FGGY: variants seen among roughly 807,000 people sequenced by gnomAD.
FGGY encodes FGGY carbohydrate kinase domain containing.
A neutral mutation model predicts 71.3 loss-of-function variants in FGGY; 72 were observed. The ratio of observed to expected loss-of-function variants is 1.01; its 90% CI spans 0.84 to 1.23. The LOEUF (loss-of-function observed/expected upper bound fraction) is 1.23. FGGY is among the 50% of genes most tolerant of loss of function. The pLI is 0.00. For missense variants in FGGY, 668 were observed against 682.3 expected (o/e 0.98, Z 0.23); for synonymous variants, 251 against 250.3 (o/e 1.00, Z -0.02).
intron 9 of FGGY, among the ~76,000 whole-genome samples, chr1:59,611,700 C>T (rs192903071): frequency 3.9e-5 from 6 of 152,182 alleles, no homozygotes; most frequent in East Asian, 1.9e-4. Flanking sequence ...CAAACTGCTC[C>T]GAGCTAAAGG....
chr1:59,342,480 T>C (rs541928209), intron 3 of FGGY, among the ~76,000 whole-genome samples: 9 of 152,318 alleles, frequency 5.9e-5, no homozygotes, highest in African/African-American at 2.2e-4. Flanking sequence ...ATTATAAGTG[T>C]TGAAATAACT....
intron 11 of FGGY, among the ~76,000 whole-genome samples, chr1:59,651,380 G>T (rs1213637730): frequency 5.0e-4 from 74 of 148,956 alleles, no homozygotes; most frequent in South Asian, 2.2e-3. Context: ...TTAATGCGTG[G>T]GAGTCTAAGT....
At chr1:59,686,389 A>G (rs2097544473) in intron 14 of FGGY, among the ~76,000 whole-genome samples, 1 of 152,214 alleles carries the variant, frequency 6.6e-6, no homozygotes, top group Admixed American at 6.5e-5. Flanking sequence ...AAGCATATCA[A>G]ATATCAGTAA....
chr1:59,590,322 G>A (rs2096405084), intron 8 of FGGY, among the ~76,000 whole-genome samples: 1 of 152,168 alleles, frequency 6.6e-6, no homozygotes. Context: ...AAAGAGTCCA[G>A]GACCAGATGG....
intron 8 of FGGY, among the ~76,000 whole-genome samples, chr1:59,593,079 A>C (rs539684910): frequency 6.6e-6 from 1 of 152,378 alleles, no homozygotes; most frequent in Non-Finnish European, 1.5e-5. Flanking sequence ...TCTAGAGCCC[A>C]GTAGCTCCAG....
chr1:59,683,635 A>G (rs1232088090), intron 14 of FGGY, among the ~76,000 whole-genome samples: 1 of 152,200 alleles, frequency 6.6e-6, no homozygotes, highest in Non-Finnish European at 1.5e-5. Flanking sequence ...GAGGTCAGGA[A>G]GAAGATAGGG....
intron 6 of FGGY, among the ~76,000 whole-genome samples, chr1:59,499,239 A>G (rs1471365479): frequency 6.6e-6 from 1 of 150,760 alleles, no homozygotes; most frequent in African/African-American, 2.5e-5. Flanking sequence ...AATACCTTCC[A>G]AGACCCCCAG....
chr1:59,410,138 T>G (rs1300537564), intron 5 of FGGY, among the ~76,000 whole-genome samples: 1 of 152,226 alleles, frequency 6.6e-6, no homozygotes, highest in African/African-American at 2.4e-5. Context: ...GGTATTGTCT[T>G]TCATGCTCTG....
At chr1:59,329,095 T>C (rs1406226122) in intron 2 of FGGY, among the ~76,000 whole-genome samples, 1 of 152,092 alleles carries the variant, frequency 6.6e-6, no homozygotes, top group African/African-American at 2.4e-5. Context: ...CACCTTCAAT[T>C]TGTAAAAAAC....
intron 6 of FGGY, among the ~76,000 whole-genome samples, chr1:59,490,439 T>A (rs1337638798): frequency 6.6e-6 from 1 of 152,202 alleles, no homozygotes; most frequent in Admixed American, 6.5e-5. Context: ...ATGAATAGTT[T>A]GCAAGTATTT....
intron 1 of FGGY, among the ~76,000 whole-genome samples, chr1:59,313,534 T>A (rs965377923): frequency 4.6e-5 from 7 of 151,766 alleles, no homozygotes; most frequent in Non-Finnish European, 8.8e-5. Flanking sequence ...TGCCCATCAA[T>A]CAATAAGTGG....
intron 14 of FGGY, among the ~76,000 whole-genome samples, chr1:59,709,093 C>T (rs569339271): frequency 2.2e-4 from 33 of 152,124 alleles, no homozygotes; most frequent in African/African-American, 7.7e-4. Context: ...CGCGCATACA[C>T]GTCCTCACTC....
intron 9 of FGGY, among the ~76,000 whole-genome samples, chr1:59,616,383 A>T (rs1162473065): frequency 6.6e-6 from 1 of 152,172 alleles, no homozygotes. Flanking sequence ...TCACAAGGAC[A>T]AAAAACCAGA....
At chr1:59,756,236 ACTTAAGG>A (rs1481578567) in intron 14 of FGGY, among the ~76,000 whole-genome samples, 2 of 151,902 alleles carry the variant, frequency 1.3e-5, no homozygotes, top group Non-Finnish European at 2.9e-5. Flanking sequence ...TCTCCTCCCT[ACTTAAGG>A]CTGCCATTTC....
intron 11 of FGGY, among the ~76,000 whole-genome samples, chr1:59,642,758 G>A (rs538869552): frequency 3.3e-5 from 5 of 151,780 alleles, no homozygotes; most frequent in Non-Finnish European, 7.4e-5. Context: ...ACGGCTGGAC[G>A]CGGTGGCTCA....
At chr1:59,435,813 TAA>T (rs2068340938) in intron 5 of FGGY, among the ~76,000 whole-genome samples, 1 of 151,348 alleles carries the variant, frequency 6.6e-6, no homozygotes, top group Non-Finnish European at 1.5e-5. Flanking sequence ...CACTTGACTG[TAA>T]GCTCCAGGAG....
At chr1:59,701,551 A>C (rs1382024321) in intron 14 of FGGY, among the ~76,000 whole-genome samples, 2 of 152,136 alleles carry the variant, frequency 1.3e-5, no homozygotes, top group African/African-American at 4.8e-5. Flanking sequence ...CAAGTTTCCA[A>C]CAGTATTGCA....
chr1:59,744,735 C>A (rs1285592788), intron 14 of FGGY, among the ~76,000 whole-genome samples: 1 of 152,222 alleles, frequency 6.6e-6, no homozygotes, highest in Non-Finnish European at 1.5e-5. Context: ...AATCCATTTA[C>A]TCATTCATTT....
chr1:59,517,277 T>TC lies in FGGY; in HGVS notation c.799+4838_799+4839insC, dbSNP rs1477784482. ...CTCTTTTTTTTTTTTTTTTTTTTTT[T>TC]TTTTTTGAGACGGAGTCTCGCTCTG... On this transcript the variant is annotated intron_variant, in intron 7 of 15. Coordinates refer to ENST00000303721, the MANE Select transcript of FGGY (RefSeq NM_018291.5). Among the ~76,000 whole-genome samples the TC allele has an allele frequency of 2.9e-5, 4 of 138,138 alleles. No homozygotes were observed. In the East Asian group the frequency reaches 6.2e-4, roughly 21 times the overall value. 90.6% of individuals were successfully genotyped at this position (138,138 alleles called of 152,430 possible). A position where few individuals can be genotyped will look rare whatever the true frequency, so the allele number is the denominator to read the frequency against.
Sources: gnomAD v4.1 joint callset for allele counts (sites outside exome capture counted in the v4.1 genomes callset) on GRCh38, gnomAD v4.1.1 for gene constraint, MANE v1.5 for transcripts, NCBI Gene and HGNC (gene_info 2026-07-23, HGNC 2026-07-21) for gene names.